The following SLC9A9 variants were observed in gnomAD, a reference collection of about 807,000 sequenced individuals.
SLC9A9 encodes solute carrier family 9 member A9, also known as sodium/hydrogen exchanger 9.
A neutral mutation model predicts 77.8 loss-of-function variants in SLC9A9; 62 were observed. The ratio of observed to expected loss-of-function variants is 0.80; its 90% CI spans 0.65 to 0.98. SLC9A9 has a LOEUF of 0.98. Among genes scored for constraint, SLC9A9 ranks in the 50% least tolerant of loss-of-function variants. The probability of loss-of-function intolerance (pLI) is 0.00; values close to 1 mark genes in which losing one functional copy is unlikely to be tolerated. For missense variants in SLC9A9, 775 were observed against 774.9 expected (o/e 1.00, Z 0.00); for synonymous variants, 320 against 283.5 (o/e 1.13, Z -1.29).
chr3:143,300,105 A>G (rs916700024), intron 14 of SLC9A9, among the ~76,000 whole-genome samples: 1 of 152,180 alleles, frequency 6.6e-6, no homozygotes, highest in Admixed American at 6.5e-5. Context: ...ACAGGTTGAG[A>G]AAGTCTGACT....
chr3:143,417,339 C>T (rs1439085857), intron 12 of SLC9A9, among the ~76,000 whole-genome samples: 1 of 152,042 alleles, frequency 6.6e-6, no homozygotes, highest in Non-Finnish European at 1.5e-5. Flanking sequence ...GTTGAATTCC[C>T]AACCCCCAAC....
chr3:143,767,589 T>G (rs1223133736), intron 4 of SLC9A9, among the ~76,000 whole-genome samples: 1 of 152,158 alleles, frequency 6.6e-6, no homozygotes, highest in Admixed American at 6.6e-5. Context: ...ATAGACTCCT[T>G]GGTTTCTATT....
chr3:143,814,951 C>A (rs151320192), intron 2 of SLC9A9, among the ~76,000 whole-genome samples: 1 of 151,346 alleles, frequency 6.6e-6, no homozygotes, highest in African/African-American at 2.4e-5. Context: ...TTTCACAGGG[C>A]AGGCTGAGCA....
intron 4 of SLC9A9, among the ~76,000 whole-genome samples, chr3:143,746,486 T>G (rs185337099): frequency 6.6e-6 from 1 of 152,312 alleles, no homozygotes; most frequent in African/African-American, 2.4e-5. Context: ...ATGAGCTCTC[T>G]GAGAACATGT....
intron 6 of SLC9A9, among the ~76,000 whole-genome samples, chr3:143,645,633 C>T (rs1004743326): frequency 2.6e-5 from 4 of 152,070 alleles, no homozygotes; most frequent in Non-Finnish European, 4.4e-5. Context: ...GATACATGGG[C>T]GGTAAGAAAT....
Position 143,656,413 on chromosome 3 carries a change from G to T in SLC9A9, c.650-4053C>A, listed in dbSNP as rs138866767. Among the ~76,000 whole-genome samples, 944 of 152,020 alleles carry T rather than the reference G, an allele frequency of 6.2e-3. 13 individuals are homozygous for T. Among genetic ancestry groups the T allele is most frequent in the African/African-American group, 0.022 (911 of 41,388 alleles). On this transcript the variant is annotated intron_variant, in intron 5 of 15. Coordinates refer to ENST00000316549, the MANE Select transcript of SLC9A9 (RefSeq NM_173653.4). ...TACATGACTCCATGAGTATCTCAAT[G>T]TGTTTACTCTTAGATGTTTGACAAT...
intron 4 of SLC9A9, among the ~76,000 whole-genome samples, chr3:143,712,477 A>G (rs1285368184): frequency 6.6e-6 from 1 of 152,214 alleles, no homozygotes; most frequent in Non-Finnish European, 1.5e-5. Flanking sequence ...ATAACGAGCA[A>G]TCTACCGGGG....
At chr3:143,405,389 A>G (rs1424518044) in intron 12 of SLC9A9, among the ~76,000 whole-genome samples, 4 of 152,044 alleles carry the variant, frequency 2.6e-5, no homozygotes, top group South Asian at 4.2e-4. Flanking sequence ...GCAGTCGGGG[A>G]GAGGATGGTG....
At chr3:143,550,444 C>T (rs1178675232) in intron 9 of SLC9A9, among the ~76,000 whole-genome samples, 1 of 152,150 alleles carries the variant, frequency 6.6e-6, no homozygotes, top group Non-Finnish European at 1.5e-5. Flanking sequence ...TCAGCTTGGC[C>T]TCTGGACTCT....
At position 143,301,501 on chromosome 3, in the gene SLC9A9, G is replaced by A. The variant is rs531733943; in HGVS notation, c.1605-32521C>T. Among the ~76,000 whole-genome samples, 16 of 152,294 alleles carry A rather than the reference G, an allele frequency of 1.1e-4. No homozygotes were observed. The South Asian group carries it at 3.3e-3, about 32-fold the overall frequency. On this transcript the variant is annotated intron_variant, in intron 14 of 15. Transcript: ENST00000316549. ...AAGTCCACCTATACTTGAGGGTGGA[G>A]GTCATGCAGACAAAAAGCCTTCAGT...
intron 5 of SLC9A9, among the ~76,000 whole-genome samples, chr3:143,683,429 G>C (rs1264172093): frequency 1.3e-5 from 2 of 152,098 alleles, no homozygotes; most frequent in African/African-American, 4.8e-5. Context: ...CTCAATAATA[G>C]CATTTTTAAA....
chr3:143,420,004 A>T (rs2034268445), intron 12 of SLC9A9, among the ~76,000 whole-genome samples: 1 of 152,190 alleles, frequency 6.6e-6, no homozygotes, highest in Non-Finnish European at 1.5e-5. Flanking sequence ...GTTCACTTTT[A>T]GCAATTTTGT....
At chr3:143,784,632 T>C (rs1390765119) in intron 4 of SLC9A9, among the ~76,000 whole-genome samples, 1 of 152,098 alleles carries the variant, frequency 6.6e-6, no homozygotes, top group Non-Finnish European at 1.5e-5. Context: ...GTGCTGGGAT[T>C]ACAGGCATGA....
chr3:143,612,690 G>A (rs144017747), intron 6 of SLC9A9, among the ~76,000 whole-genome samples: 2 of 152,304 alleles, frequency 1.3e-5, no homozygotes, highest in African/African-American at 2.4e-5. Flanking sequence ...GAAATGACAG[G>A]TATGGGAATT....
chr3:143,633,900 A>G (rs2038468625), intron 6 of SLC9A9, among the ~76,000 whole-genome samples: 2 of 152,324 alleles, frequency 1.3e-5, no homozygotes, highest in South Asian at 4.1e-4. Flanking sequence ...TGAATTAGGC[A>G]TTTAACTTTT....
chr3:143,735,801 T>A (rs1321181349), intron 4 of SLC9A9, among the ~76,000 whole-genome samples: 1 of 152,132 alleles, frequency 6.6e-6, no homozygotes, highest in Non-Finnish European at 1.5e-5. Context: ...GGCTTTAGAG[T>A]AATAGAGACA....
intron 13 of SLC9A9, among the ~76,000 whole-genome samples, chr3:143,381,044 A>C (rs1158981533): frequency 6.6e-6 from 1 of 152,302 alleles, no homozygotes. Context: ...AAATTTCCCT[A>C]CATTTTCTTA....
chr3:143,563,177 G>A (rs2037115497), intron 8 of SLC9A9, among the ~76,000 whole-genome samples: 2 of 152,060 alleles, frequency 1.3e-5, no homozygotes, highest in Admixed American at 6.5e-5. Context: ...AAGAAATTTA[G>A]GAAACAGCAT....
In SLC9A9 at chr3:143,421,678, C is replaced by T. The variant is rs187462405; in HGVS notation, c.1470-39564G>A. Among the ~76,000 whole-genome samples the T allele has an allele frequency of 1.6e-3, 239 of 152,214 alleles. 1 individual carries two copies. Among genetic ancestry groups the T allele is most frequent in the Non-Finnish European group, 2.4e-3 (165 of 68,006 alleles). On this transcript the variant is annotated intron_variant, in intron 12 of 15. Transcript: ENST00000316549. ...CAGGAAATACCATTCTGGACATTGG[C>T]CTTGGCAAAGAATTTATGACTAAGC...
Sources: gnomAD v4.1 joint callset for allele counts (sites outside exome capture counted in the v4.1 genomes callset) on GRCh38, gnomAD v4.1.1 for gene constraint, MANE v1.5 for transcripts, NCBI Gene and HGNC (gene_info 2026-07-23, HGNC 2026-07-21) for gene names.